Variants in BBS9 observed in about 807,000 individuals in gnomAD.
The protein encoded by BBS9 is Bardet-Biedl syndrome 9.
BBS9 carries 89 observed loss-of-function variants against 117.7 expected under a neutral mutation model. The ratio of observed to expected loss-of-function variants is 0.76; its 90% confidence interval spans 0.64 to 0.90. BBS9 has a LOEUF of 0.90. BBS9 is among the 40% of genes least tolerant of loss of function. The probability of loss-of-function intolerance (pLI) is 0.00; values close to 1 mark genes in which losing one functional copy is unlikely to be tolerated. For synonymous variants in BBS9, 379 were observed against 370.9 expected (o/e 1.02, Z -0.25); for missense variants, 982 against 1,042.2 (o/e 0.94, Z 0.80).
At chr7:33,542,739 GTGTGTA>G in intron 21 of BBS9, among the ~76,000 whole-genome samples, 1 of 143,710 alleles carries the variant, frequency 7.0e-6, no homozygotes, top group African/African-American at 2.6e-5. Context: ...GTGTATATGT[GTGTGTA>G]TATATATATA....
intron 20 of BBS9, among the ~76,000 whole-genome samples, chr7:33,532,013 A>T (rs1157462879): frequency 1.3e-5 from 2 of 152,186 alleles, no homozygotes; most frequent in African/African-American, 4.8e-5. Context: ...CAGTGTGGGG[A>T]TGTGGAGAAC....
chr7:33,409,007 C>A (rs1272407341), intron 19 of BBS9, among the ~76,000 whole-genome samples: 5 of 152,140 alleles, frequency 3.3e-5, no homozygotes, highest in Non-Finnish European at 7.4e-5. Flanking sequence ...TATATGTCTT[C>A]TTTTGAGAAC....
At chr7:33,141,631 G>T (rs1326901764) in intron 1 of BBS9, among the ~76,000 whole-genome samples, 1 of 152,078 alleles carries the variant, frequency 6.6e-6, no homozygotes, top group East Asian at 1.9e-4. Context: ...ATTGATGTTA[G>T]TATAATACTA....
At chr7:33,363,845 C>A (rs1179926805) in intron 16 of BBS9, among the ~76,000 whole-genome samples, 2 of 151,742 alleles carry the variant, frequency 1.3e-5, no homozygotes, top group Non-Finnish European at 2.9e-5. Flanking sequence ...TGGTGGATTA[C>A]ATTGATTAAT....
chr7:33,553,471 C>T (rs1196253285), intron 21 of BBS9, among the ~76,000 whole-genome samples: 2 of 152,116 alleles, frequency 1.3e-5, no homozygotes, highest in Non-Finnish European at 2.9e-5. Flanking sequence ...TGCTGTCTCC[C>T]TCCCATTTCT....
Position 33,505,609 on chromosome 7 carries a change from G to A in BBS9, c.2262G>A (p.Ala754=), listed in dbSNP as rs751886707. 1.9e-5 allele frequency: 30 copies of A among 1,613,786 alleles called. No individual in the cohort carries two copies. The highest frequency in any genetic ancestry group is 1.6e-4 in the African/African-American group (12 of 74,916). ...LSADQVAILE[A]AFLPLQEDTQ... ...CTGACCAGGTTGCTATTCTGGAAGC[G>A]GCATTTCTGCCGCTACAAGAAGACA... Residue 754 remains alanine (A), a synonymous_variant, in exon 20 of 23, where the codon GCG becomes GCA. Coordinates refer to ENST00000242067, the MANE Select transcript of BBS9 (RefSeq NM_198428.3).
At chr7:33,234,728 T>A (rs1011462919) in intron 5 of BBS9, among the ~76,000 whole-genome samples, 1 of 151,802 alleles carries the variant, frequency 6.6e-6, no homozygotes, top group African/African-American at 2.4e-5. Flanking sequence ...TACATTTATA[T>A]ACATGCACAT....
In BBS9 at chr7:33,635,054, G is replaced by A. The variant is rs553187191; in HGVS notation, c.2522-123G>A. 1.1e-4 allele frequency among the ~76,000 whole-genome samples: 16 copies of A among 152,224 alleles called. No homozygotes were observed. The East Asian group carries it at 3.1e-3, about 29-fold the overall frequency. Reference sequence around the variant, plus strand: ...TACCCAGTGTCCTTCCTTTTCCCCCGGTTCAATCCTGTGCTCAGAATTAGA... The same window carrying A: ...TACCCAGTGTCCTTCCTTTTCCCCCAGTTCAATCCTGTGCTCAGAATTAGA... On this transcript the variant is annotated intron_variant, in intron 21 of 21. Transcript: ENST00000671952.
intron 19 of BBS9, among the ~76,000 whole-genome samples, chr7:33,431,561 G>A (rs1363788966): frequency 6.6e-6 from 1 of 152,158 alleles, no homozygotes; most frequent in African/African-American, 2.4e-5. Context: ...GGCCCCAGAG[G>A]TTGCCTTGCC....
chr7:33,501,381 G>T (rs1371490685), intron 19 of BBS9, among the ~76,000 whole-genome samples: 3 of 152,190 alleles, frequency 2.0e-5, no homozygotes, highest in African/African-American at 7.2e-5. Flanking sequence ...TTCCTTGGGG[G>T]TAATTTACAT....
chr7:33,505,660 G>A lies in BBS9; in HGVS notation c.2298+15G>A. The A allele has an allele frequency of 6.2e-7, 1 of 1,612,038 alleles. No homozygotes were observed. The highest frequency in any genetic ancestry group is 2.2e-5 in the East Asian group (1 of 44,862). On this transcript the variant is annotated intron_variant, in intron 20 of 22. Coordinates refer to ENST00000242067, the MANE Select transcript of BBS9 (RefSeq NM_198428.3). ...CTCAAGAATTGGTAAGGACCTGAAA[G>A]CCTGTGGTGGGAACAGCCAGCATTA...
intron 4 of BBS9, among the ~76,000 whole-genome samples, chr7:33,173,263 TA>T (rs934593725): frequency 5.9e-5 from 9 of 152,260 alleles, no homozygotes; most frequent in African/African-American, 2.2e-4. Context: ...ATTTGCCTTT[TA>T]TAAAGAGTCT....
Position 33,504,428 on chromosome 7 carries a change from T to C in BBS9, c.2116-1035T>C, listed in dbSNP as rs980143845. On this transcript the variant is annotated intron_variant, in intron 19 of 22. Coordinates refer to ENST00000242067, the MANE Select transcript of BBS9 (RefSeq NM_198428.3). ...AGACCACACAGCTGTACATTGTACT[T>C]GTTTGAATGATGATTTTTTAAAAAG... 2.0e-5 allele frequency among the ~76,000 whole-genome samples: 3 copies of C among 152,182 alleles called. No individual in the cohort carries two copies. In the East Asian group the frequency reaches 5.8e-4, roughly 29 times the overall value.
At chr7:33,546,141 G>A (rs910531436) in intron 21 of BBS9, among the ~76,000 whole-genome samples, 1 of 151,854 alleles carries the variant, frequency 6.6e-6, no homozygotes, top group Non-Finnish European at 1.5e-5. Context: ...CACTATGTTA[G>A]CCAGGATGGT....
intron 12 of BBS9, among the ~76,000 whole-genome samples, chr7:33,347,771 CA>C (rs1817874540): frequency 1.3e-5 from 2 of 151,392 alleles, no homozygotes; most frequent in Non-Finnish European, 2.9e-5. Context: ...AGAGGTAATA[CA>C]TGCTTTTTAT....
chr7:33,249,882 C>T (rs1795966894), intron 5 of BBS9, among the ~76,000 whole-genome samples: 2 of 152,114 alleles, frequency 1.3e-5, no homozygotes, highest in Non-Finnish European at 2.9e-5. Context: ...TGTTCCTTTT[C>T]TGTCCAATAA....
chr7:33,249,755 G>A (rs2128298619), intron 5 of BBS9, among the ~76,000 whole-genome samples: 1 of 152,204 alleles, frequency 6.6e-6, no homozygotes, highest in African/African-American at 2.4e-5. Flanking sequence ...TTTTTGAGGA[G>A]TCATTGTTAA....
At chr7:33,457,337 G>A (rs1180376124) in intron 19 of BBS9, among the ~76,000 whole-genome samples, 2 of 152,260 alleles carry the variant, frequency 1.3e-5, no homozygotes, top group East Asian at 1.9e-4. Context: ...AGGAGTTTCC[G>A]CTTCTACAAA....
intron 1 of BBS9, among the ~76,000 whole-genome samples, chr7:33,145,280 A>G (rs1202672788): frequency 6.6e-6 from 1 of 152,220 alleles, no homozygotes; most frequent in Non-Finnish European, 1.5e-5. Flanking sequence ...TGTTAAATAA[A>G]TGAACTGTTG....
Sources: allele counts gnomAD v4.1 joint callset (sites outside exome capture counted in the v4.1 genomes callset), GRCh38; gene constraint gnomAD v4.1.1; transcripts MANE v1.5; gene names NCBI Gene and HGNC (gene_info 2026-07-23, HGNC 2026-07-21).